The following TENM3 variants were observed in gnomAD, a reference collection of about 807,000 sequenced individuals.
TENM3 encodes teneurin transmembrane protein 3, also known as teneurin-3.
Under a neutral mutation model 255.1 loss-of-function variants are expected in TENM3, and 63 were observed. That is an observed-to-expected ratio of 0.25 (90% CI 0.20 to 0.30). The LOEUF (loss-of-function observed/expected upper bound fraction) is 0.30. TENM3 is among the 10% of genes least tolerant of loss of function. TENM3 has a pLI of 1.00. For missense variants in TENM3, 2,929 were observed against 3,461.1 expected, an observed-to-expected ratio of 0.85 and a Z score of 3.86; for synonymous variants, 1,306 against 1,322.3, an observed-to-expected ratio of 0.99 and a Z score of 0.27.
chr4:182,327,833 C>T (rs942168911), intron 2 of TENM3, among the ~76,000 whole-genome samples: 9 of 152,160 alleles, frequency 5.9e-5, no homozygotes, highest in African/African-American at 2.2e-4. Flanking sequence ...AGGTCTCAGA[C>T]AAATTTCTTA....
intron 3 of TENM3, among the ~76,000 whole-genome samples, chr4:182,416,707 C>T (rs975474402): frequency 2.0e-5 from 3 of 152,118 alleles, no homozygotes; most frequent in East Asian, 3.9e-4. Context: ...CAAAATTATT[C>T]TAGATAGAAT....
chr4:182,298,502 A>G (rs1425964366), intron 1 of TENM3, among the ~76,000 whole-genome samples: 2 of 152,212 alleles, frequency 1.3e-5, no homozygotes, highest in Admixed American at 6.5e-5. Context: ...TTTCAGTGAA[A>G]CATTACATAA....
chr4:181,847,161 T>C, the TENM3 span, among the ~76,000 whole-genome samples: 4 of 152,206 alleles, frequency 2.6e-5, no homozygotes, highest in Non-Finnish European at 5.9e-5. Flanking sequence ...GGATCTATTT[T>C]AGATATGAAA....
the TENM3 span, among the ~76,000 whole-genome samples, chr4:181,652,348 C>G: frequency 4.2e-3 from 639 of 152,212 alleles, 5 homozygotes; most frequent in Middle Eastern, 0.031. Flanking sequence ...CATTTTGACT[C>G]CTTTCATCTA....
At chr4:181,915,821 T>C in the TENM3 span, among the ~76,000 whole-genome samples, 1 of 151,962 alleles carries the variant, frequency 6.6e-6, no homozygotes, top group Non-Finnish European at 1.5e-5. Context: ...AAGGCTAAGA[T>C]TAAACACCAC....
intron 1 of TENM3, among the ~76,000 whole-genome samples, chr4:182,230,896 C>T (rs78186567): frequency 0.068 from 9,276 of 136,962 alleles, 440 homozygotes; most frequent in Non-Finnish European, 0.094. Context: ...TTACAGCACA[C>T]GAAGAGGCAG....
the TENM3 span, among the ~76,000 whole-genome samples, chr4:181,544,445 C>T: frequency 1.1e-5 from 1 of 91,986 alleles, no homozygotes; most frequent in Non-Finnish European, 2.4e-5. Context: ...AACTATAACT[C>T]GTATGGAACC....
the TENM3 span, among the ~76,000 whole-genome samples, chr4:181,635,933 C>A: frequency 4.6e-5 from 7 of 152,140 alleles, no homozygotes; most frequent in Admixed American, 3.3e-4. Context: ...ACATCGTGGG[C>A]TCCCTCTTCC....
intron 5 of TENM3, among the ~76,000 whole-genome samples, chr4:182,645,307 A>G (rs1752644830): frequency 6.6e-6 from 1 of 152,090 alleles, no homozygotes; most frequent in South Asian, 2.1e-4. Flanking sequence ...GTCAGGAAAG[A>G]ATTCAGTGTT....
intron 1 of TENM3, among the ~76,000 whole-genome samples, chr4:182,315,141 AT>A (rs1762680695): frequency 6.6e-6 from 1 of 152,230 alleles, no homozygotes; most frequent in Admixed American, 6.5e-5. Context: ...CACGGCTACG[AT>A]GATTGCTTAG....
chr4:182,309,072 C>T (rs973462327), intron 1 of TENM3, among the ~76,000 whole-genome samples: 39 of 152,114 alleles, frequency 2.6e-4, no homozygotes, highest in Admixed American at 1.4e-3. Context: ...GTTCTTGGGA[C>T]GAATCAGACA....
At chr4:181,501,231 T>A in the TENM3 span, among the ~76,000 whole-genome samples, 1 of 152,082 alleles carries the variant, frequency 6.6e-6, no homozygotes, top group Non-Finnish European at 1.5e-5. Flanking sequence ...GACCTCCAGC[T>A]GGATGACTTG....
the TENM3 span, among the ~76,000 whole-genome samples, chr4:181,463,487 G>A: frequency 6.6e-6 from 1 of 152,092 alleles, no homozygotes; most frequent in African/African-American, 2.4e-5. Context: ...TCAACTGGAT[G>A]TCTCTCTCTT....
the TENM3 span, among the ~76,000 whole-genome samples, chr4:181,690,991 A>G: frequency 6.6e-6 from 1 of 152,140 alleles, no homozygotes; most frequent in Non-Finnish European, 1.5e-5. Flanking sequence ...CTTTGTCTTT[A>G]CTGAATGCTC....
chr4:181,924,820 T>C, the TENM3 span, among the ~76,000 whole-genome samples: 15 of 152,314 alleles, frequency 9.8e-5, no homozygotes, highest in African/African-American at 3.6e-4. Context: ...GTTGGGGTTC[T>C]CTTCTCTACT....
At chr4:181,566,440 T>A in the TENM3 span, among the ~76,000 whole-genome samples, 1 of 152,294 alleles carries the variant, frequency 6.6e-6, no homozygotes, top group South Asian at 2.1e-4. Context: ...ATCTTGGGCT[T>A]CTATTCTGCT....
chr4:181,921,266 T>C, the TENM3 span, among the ~76,000 whole-genome samples: 1 of 152,180 alleles, frequency 6.6e-6, no homozygotes, highest in Non-Finnish European at 1.5e-5. Flanking sequence ...TCCAATTCTG[T>C]GAAGAAAGTC....
chr4:182,257,499 G>A (rs73003216), intron 1 of TENM3, among the ~76,000 whole-genome samples: 2 of 152,126 alleles, frequency 1.3e-5, no homozygotes, highest in African/African-American at 4.8e-5. Flanking sequence ...GCAAAATAAT[G>A]AAAGTGAATT....
intron 1 of TENM3, among the ~76,000 whole-genome samples, chr4:182,179,040 A>G (rs1752686867): frequency 6.6e-6 from 1 of 152,264 alleles, no homozygotes. Context: ...GAAGAACAGT[A>G]TAGTGCCTTT....
Sources: gnomAD v4.1 joint callset for allele counts (sites outside exome capture counted in the v4.1 genomes callset) on GRCh38, gnomAD v4.1.1 for gene constraint, MANE v1.5 for transcripts, NCBI Gene and HGNC (gene_info 2026-07-23, HGNC 2026-07-21) for gene names.